The following GHRHR variants were observed in gnomAD, a reference collection of about 807,000 sequenced individuals.
The protein encoded by GHRHR is growth hormone-releasing hormone receptor.
In GHRHR, 40 loss-of-function variants were observed where a neutral mutation model predicts 58.3. The observed-to-expected ratio is 0.69, with a 90% CI of 0.53 to 0.89. The LOEUF (loss-of-function observed/expected upper bound fraction) is 0.89. Ranked by LOEUF, GHRHR falls within the 40% of genes least tolerant of loss-of-function variation. The pLI is 0.00. For missense variants in GHRHR, 551 were observed against 541.3 expected (o/e 1.02, Z -0.18); for synonymous variants, 249 against 216.6 (o/e 1.15, Z -1.31).
At chr7:30,970,206 C>T (rs962841896) in intron 4 of GHRHR, among the ~76,000 whole-genome samples, 1 of 152,132 alleles carries the variant, frequency 6.6e-6, no homozygotes, top group African/African-American at 2.4e-5. Flanking sequence ...GGAGATCTGC[C>T]GGCTGCTGTC....
At chr7:30,969,508 G>A (rs867182428) in intron 3 of GHRHR, 1 of 597,822 alleles carries the variant, frequency 1.7e-6, no homozygotes, top group Middle Eastern at 4.5e-4. Flanking sequence ...AGGATGGAGA[G>A]GGTGGGGCAC....
At chr7:30,971,789 C>T (rs994597662) in intron 5 of GHRHR, among the ~76,000 whole-genome samples, 174 bp from the exon 6 acceptor site, 2 of 152,210 alleles carry the variant, frequency 1.3e-5, no homozygotes, top group African/African-American at 4.8e-5. Flanking sequence ...GGAATGGTTG[C>T]TCAGCTGTCC....
chr7:30,971,921 C>T (rs1414616318), intron 5 of GHRHR, 42 bp from the exon 6 acceptor site: 2 of 1,607,450 alleles, frequency 1.2e-6, no homozygotes, highest in Non-Finnish European at 8.5e-7. Context: ...AATCCCCTCT[C>T]CCTGCTTGCT....
chr7:30,979,155 G>C lies in GHRHR; in HGVS notation c.1183G>C (p.Asp395His). The change falls in exon 13 of 13, where the codon GAC becomes CAC. Residue 395 changes from aspartate to histidine, a missense_variant. Coordinates refer to ENST00000326139, the MANE Select transcript of GHRHR (RefSeq NM_000823.4). Reference protein sequence around the residue: ...TEISRKWHGHDPELLPAWRTR... With the variant: ...TEISRKWHGHHPELLPAWRTR... Reference sequence around the variant, plus strand: ...GATCTCACGGAAGTGGCATGGCCATGACCCTGAGCTTCTGCCAGCCTGGAG... The same window carrying C: ...GATCTCACGGAAGTGGCATGGCCATCACCCTGAGCTTCTGCCAGCCTGGAG... The C allele has an allele frequency of 1.2e-6, 2 of 1,613,674 alleles. No homozygotes were observed. Among genetic ancestry groups the C allele is most frequent in the Non-Finnish European group, 1.7e-6 (2 of 1,179,554 alleles).
At position 30,963,977 on chromosome 7, in the gene GHRHR, G is replaced by A. The variant is rs1255125009; in HGVS notation, c.-92G>A. ...CACCTGAGAAGGGGAAGCAGAGGGT[G>A]CGGTGGAAACGGCTGTGTCAGGGGA... On this transcript the variant is annotated 5_prime_UTR_variant, in exon 1 of 13. Transcript: ENST00000326139. The A allele has an allele frequency of 1.7e-6, 2 of 1,172,124 alleles. No individual in the cohort carries two copies. Among genetic ancestry groups the A allele is most frequent in the Non-Finnish European group, 2.5e-6 (2 of 804,866 alleles). The allele number at this position is 1,172,124 out of a possible 1,614,324, so 72.6% of individuals were successfully genotyped here. A position where few individuals can be genotyped will look rare whatever the true frequency, so the allele number is the denominator to read the frequency against.
intron 8 of GHRHR, 41 bp from the exon 9 acceptor site, chr7:30,974,930 A>G (rs1373860914): frequency 4.5e-6 from 6 of 1,343,754 alleles, no homozygotes; most frequent in South Asian, 1.2e-5. Context: ...ACCACAGTGA[A>G]GGGGACTTTC....
Position 30,966,890 on chromosome 7 carries a change from C to T in GHRHR, c.58-1944C>T, listed in dbSNP as rs141418008. The stretch of plus-strand genomic sequence containing the variant: ...CTCCTGACGTCAGGTGATCCGCCTA[C>T]CTTGGCCTCCCAAAGTGCTGGGATT... On this transcript the variant is annotated intron_variant, in intron 1 of 12. Transcript: ENST00000326139. Among the ~76,000 whole-genome samples, 859 of 152,320 alleles carry T rather than the reference C, an allele frequency of 5.6e-3. 9 individuals are homozygous for T. The highest frequency in any genetic ancestry group is 0.02 in the African/African-American group (820 of 41,582).
Position 30,979,180 on chromosome 7 carries a change from G to C in GHRHR, c.1208G>C (p.Arg403Thr), listed in dbSNP as rs767279880. Reference sequence around the variant, plus strand: ...GACCCTGAGCTTCTGCCAGCCTGGAGGACCCGTGCTAAGTGGACCACGCCT... The same window carrying C: ...GACCCTGAGCTTCTGCCAGCCTGGACGACCCGTGCTAAGTGGACCACGCCT... ...GHDPELLPAW[R>T]TRAKWTTPSR... The change falls in exon 13 of 13, where the codon AGG becomes ACG. Residue 403 changes from arginine to threonine, a missense_variant. By Grantham distance (71) the Arg-to-Thr change is moderately conservative. Coordinates refer to ENST00000326139, the MANE Select transcript of GHRHR (RefSeq NM_000823.4). 6.2e-7 allele frequency: 1 copy of C among 1,613,670 alleles called. No homozygotes were observed. The highest frequency in any genetic ancestry group is 1.1e-5 in the South Asian group (1 of 91,086).
At chr7:30,979,078 A>G in intron 12 of GHRHR, 41 bp from the exon 13 acceptor site, 1 of 1,605,752 alleles carries the variant, frequency 6.2e-7, no homozygotes, top group Non-Finnish European at 8.5e-7. Flanking sequence ...TAGCAAAGCC[A>G]CAGGGGGACC....
At chr7:30,968,202 A>G (rs2128596961) in intron 1 of GHRHR, among the ~76,000 whole-genome samples, 1 of 152,298 alleles carries the variant, frequency 6.6e-6, no homozygotes, top group South Asian at 2.1e-4. Context: ...TTGCCGTTTA[A>G]GGTAACATAT....
rs985861214 is a variant in GHRHR at position 30,975,810 on chromosome 7, A to G, written c.916A>G (p.Ile306Val). Residue 306 changes from isoleucine to valine, a missense_variant, in exon 10 of 13, where the codon ATC becomes GTC. Coordinates refer to ENST00000326139, the MANE Select transcript of GHRHR (RefSeq NM_000823.4). The part of the protein sequence containing the change: ...NFGLFLNIIR[I>V]LVRKLEPAQG... ...TGGGCTTTTTCTCAATATTATCCGC[A>G]TCCTGGTGAGGAAACTGGAGCCAGC... The G allele has an allele frequency of 6.2e-7, 1 of 1,612,190 alleles. No homozygotes were observed. Among genetic ancestry groups the G allele is most frequent in the Admixed American group, 1.7e-5 (1 of 60,012 alleles).
chr7:30,977,155 C>G, intron 11 of GHRHR, 126 bp from the exon 12 acceptor site: 1 of 870,784 alleles, frequency 1.1e-6, no homozygotes, highest in South Asian at 1.3e-5. Context: ...TTAAATTCCC[C>G]TTTCAATCAA....
intron 6 of GHRHR, 119 bp from the exon 7 acceptor site, chr7:30,973,866 G>C: frequency 1.0e-6 from 1 of 990,188 alleles, no homozygotes; most frequent in Non-Finnish European, 1.6e-6. Flanking sequence ...CCAAGGAGCT[G>C]CAGGTCCCAG....
chr7:30,978,967 A>G (rs1443004915), intron 12 of GHRHR, 152 bp from the exon 13 acceptor site: 16 of 735,934 alleles, frequency 2.2e-5, no homozygotes, highest in Non-Finnish European at 3.7e-5. Flanking sequence ...CTCCAGAGGT[A>G]GTACTTAGCA....
intron 10 of GHRHR, 183 bp downstream of exon 10, chr7:30,976,051 T>G (rs1792576999): frequency 1.6e-6 from 1 of 627,162 alleles, no homozygotes; most frequent in African/African-American, 1.8e-5. Context: ...GGATGAGGAC[T>G]CCAAACAGCC....
rs1289883060 is a variant in GHRHR at position 30,974,306 on chromosome 7, G to A, written c.752-123G>A. On this transcript the variant is annotated intron_variant, in intron 7 of 12. Transcript: ENST00000326139. Reference sequence around the variant, plus strand: ...GGTGGGACCAGGGCCCTGGCTCTGGGGTCCTGCCTGGCCCTGCCTTTGCAG... The same window carrying A: ...GGTGGGACCAGGGCCCTGGCTCTGGAGTCCTGCCTGGCCCTGCCTTTGCAG... 1.5e-5 allele frequency: 16 copies of A among 1,098,398 alleles called. No individual in the cohort carries two copies. The East Asian group carries it at 3.8e-4, about 26-fold the overall frequency. 68.0% of individuals were successfully genotyped at this position (1,098,398 alleles called of 1,614,324 possible). A position where few individuals can be genotyped will look rare whatever the true frequency, so the allele number is the denominator to read the frequency against.
chr7:30,977,127 A>C (rs1297079786), intron 11 of GHRHR, among the ~76,000 whole-genome samples, 154 bp from the exon 12 acceptor site: 1 of 152,244 alleles, frequency 6.6e-6, no homozygotes, highest in Non-Finnish European at 1.5e-5. Flanking sequence ...CCTGGCACAT[A>C]GTAAGTAATG....
intron 11 of GHRHR, among the ~76,000 whole-genome samples, chr7:30,976,827 C>CCCAT (rs995948307): frequency 5.3e-5 from 8 of 151,458 alleles, no homozygotes; most frequent in African/African-American, 1.5e-4. Context: ...CACCCACCAA[C>CCCAT]CCATCCATCC....
rs565529920 is a variant in GHRHR, at chr7:30,976,490, A to G, written c.1036A>G (p.Asn346Asp). 1 of 1,613,446 alleles carries G rather than the reference A, an allele frequency of 6.2e-7. No homozygotes were observed. Among genetic ancestry groups the G allele is most frequent in the South Asian group, 1.1e-5 (1 of 91,044 alleles). Residue 346 changes from asparagine (N) to aspartate (D), a missense_variant, in exon 11 of 13, where the codon AAC becomes GAC. Physicochemically the swap from Asn to Asp is conservative, Grantham distance 23. Transcript: ENST00000326139. The part of the protein sequence containing the change: ...PLFGIHYIIF[N>D]FLPDNAGLGI... ...CTTTGGAATTCACTACATCATCTTC[A>G]ACTTCCTGCCAGACAATGCTGGCCT...
Sources: allele counts gnomAD v4.1 joint callset (sites outside exome capture counted in the v4.1 genomes callset), GRCh38; gene constraint gnomAD v4.1.1; transcripts MANE v1.5; gene names NCBI Gene and HGNC (gene_info 2026-07-23, HGNC 2026-07-21).